ANO3: variants seen among roughly 807,000 people sequenced by gnomAD.
The protein encoded by ANO3 is anoctamin-3.
A neutral mutation model predicts 144.8 loss-of-function variants in ANO3; 99 were observed. The ratio of observed to expected loss-of-function variants is 0.68; its 90% confidence interval spans 0.58 to 0.81. The LOEUF (loss-of-function observed/expected upper bound fraction) is 0.81. Among genes scored for constraint, ANO3 ranks in the 30% least tolerant of loss-of-function variants. The pLI is 0.00. For synonymous variants in ANO3, 414 were observed against 392.6 expected (o/e 1.05, Z -0.64); for missense variants, 905 against 1,202.2 (o/e 0.75, Z 3.66).
intron 1 of ANO3, among the ~76,000 whole-genome samples, chr11:26,354,266 A>G (rs142178077): frequency 6.6e-6 from 1 of 152,324 alleles, no homozygotes; most frequent in African/African-American, 2.4e-5. Flanking sequence ...AAGATTAACA[A>G]TACTGTATTG....
intron 1 of ANO3, among the ~76,000 whole-genome samples, chr11:26,285,307 C>A (rs1339894555): frequency 2.0e-5 from 3 of 152,048 alleles, no homozygotes; most frequent in Non-Finnish European, 4.4e-5. Flanking sequence ...CTAAATTAAA[C>A]TGTGATGGAA....
chr11:26,363,829 C>CAAAAAA (rs11424661), intron 1 of ANO3, among the ~76,000 whole-genome samples: 1 of 147,768 alleles, frequency 6.8e-6, no homozygotes. Flanking sequence ...ATACATACTG[C>CAAAAAA]AAAAAAAAAA....
chr11:26,521,485 T>A (rs1476127488), intron 6 of ANO3, among the ~76,000 whole-genome samples: 1 of 152,176 alleles, frequency 6.6e-6, no homozygotes, highest in East Asian at 1.9e-4. Flanking sequence ...GATGTATGTG[T>A]AAAATTTTAA....
chr11:26,561,693 TA>T (rs1038025206), intron 14 of ANO3, among the ~76,000 whole-genome samples: 4 of 151,958 alleles, frequency 2.6e-5, no homozygotes, highest in Non-Finnish European at 5.9e-5. Flanking sequence ...GTGGAGGAGA[TA>T]AAAAAAGTAT....
intron 14 of ANO3, among the ~76,000 whole-genome samples, chr11:26,586,501 A>ATTTTTTTTTTT (rs1281089936): frequency 2.5e-5 from 1 of 40,018 alleles, no homozygotes; most frequent in African/African-American, 8.9e-5. Flanking sequence ...CCTGGTGAGA[A>ATTTTTTTTTTT]TCTTTTTTTT....
intron 1 of ANO3, among the ~76,000 whole-genome samples, chr11:26,249,820 A>G (rs999293413): frequency 2.0e-5 from 3 of 152,112 alleles, no homozygotes; most frequent in African/African-American, 7.2e-5. Flanking sequence ...AGAATAAAAA[A>G]CGCTTCAGTA....
At chr11:26,470,447 A>C (rs1859740886) in intron 4 of ANO3, among the ~76,000 whole-genome samples, 1 of 151,366 alleles carries the variant, frequency 6.6e-6, no homozygotes, top group African/African-American at 2.4e-5. Context: ...AAAAGCAAGA[A>C]GTTAGCCCAA....
rs11029603 is a variant in ANO3, at chr11:26,548,152, A to T, written c.1289+602A>T. ...ATTATTACTCTCTGGAGGAACAAAT[A>T]TTTATAAATTTTACTTAGCATCCAC... On this transcript the variant is annotated intron_variant, in intron 12 of 26. Coordinates refer to ENST00000256737, the MANE Select transcript of ANO3 (RefSeq NM_031418.4). Among the ~76,000 whole-genome samples the T allele has an allele frequency of 1.7e-3, 251 of 149,624 alleles. 11 individuals are homozygous for T. In the East Asian group the frequency reaches 0.042, roughly 25 times the overall value.
At chr11:26,493,449 A>G (rs951675953) in intron 4 of ANO3, among the ~76,000 whole-genome samples, 1 of 152,216 alleles carries the variant, frequency 6.6e-6, no homozygotes, top group Non-Finnish European at 1.5e-5. Context: ...AACCCTTCAC[A>G]GAATTACGGC....
chr11:26,297,315 C>G (rs1387522860), intron 1 of ANO3, among the ~76,000 whole-genome samples: 1 of 115,462 alleles, frequency 8.7e-6, no homozygotes, highest in Non-Finnish European at 1.7e-5. Flanking sequence ...TATTAGTGAG[C>G]ATTTCTGTCA....
chr11:26,404,143 A>G (rs2133977696), intron 1 of ANO3, among the ~76,000 whole-genome samples: 1 of 151,908 alleles, frequency 6.6e-6, no homozygotes, highest in South Asian at 2.1e-4. Flanking sequence ...CATCCTCTTG[A>G]TACGATAGGA....
intron 4 of ANO3, among the ~76,000 whole-genome samples, chr11:26,487,197 A>T (rs1272761931): frequency 6.6e-6 from 1 of 152,180 alleles, no homozygotes; most frequent in African/African-American, 2.4e-5. Flanking sequence ...AGGGGAGGTA[A>T]TTGAATCATG....
intron 1 of ANO3, among the ~76,000 whole-genome samples, chr11:26,291,476 G>C (rs1243898035): frequency 6.6e-6 from 1 of 152,112 alleles, no homozygotes; most frequent in Non-Finnish European, 1.5e-5. Context: ...TATTTTGTTT[G>C]TTAGTTGATG....
intron 6 of ANO3, among the ~76,000 whole-genome samples, chr11:26,522,274 T>A (rs1478091193): frequency 6.6e-6 from 1 of 152,160 alleles, no homozygotes; most frequent in Non-Finnish European, 1.5e-5. Flanking sequence ...TTAGATCACT[T>A]TTTATGCAAA....
chr11:26,443,623 C>T (rs540722866), intron 2 of ANO3, 142 bp from the exon 3 acceptor site: 1 of 504,746 alleles, frequency 2.0e-6, no homozygotes, highest in South Asian at 3.6e-5. Context: ...AAAACAGTGA[C>T]ATTTTAAATA....
intron 17 of ANO3, among the ~76,000 whole-genome samples, chr11:26,615,422 T>A (rs946693379): frequency 3.0e-4 from 39 of 131,294 alleles, no homozygotes; most frequent in Non-Finnish European, 5.0e-4. Flanking sequence ...ATATTTTTTT[T>A]TTTTCAGTTC....
At chr11:26,631,506 C>T (rs1852779176) in intron 18 of ANO3, among the ~76,000 whole-genome samples, 1 of 152,056 alleles carries the variant, frequency 6.6e-6, no homozygotes, top group South Asian at 2.1e-4. Flanking sequence ...CCAGACCTAC[C>T]TATCTATCCA....
Position 26,582,816 on chromosome 11 carries a change from G to A in ANO3, c.1448-15549G>A, listed in dbSNP as rs111918653. Among the ~76,000 whole-genome samples, 1,376 of 152,200 alleles carry A rather than the reference G, an allele frequency of 9.0e-3. 11 individuals are homozygous for A. Among genetic ancestry groups the A allele is most frequent in the African/African-American group, 0.031 (1,302 of 41,536 alleles). On this transcript the variant is annotated intron_variant, in intron 14 of 26. Coordinates refer to ENST00000256737, the MANE Select transcript of ANO3 (RefSeq NM_031418.4). ...TAGATTTCAGAAGTAAATAAGACAAGGTGCTTACTCCTGTTATTTTTGTTG... is the reference window on the plus strand; with the variant it reads ...TAGATTTCAGAAGTAAATAAGACAAAGTGCTTACTCCTGTTATTTTTGTTG...
At chr11:26,559,858 AC>A in intron 14 of ANO3, 79 bp downstream of exon 14, 1 of 908,304 alleles carries the variant, frequency 1.1e-6, no homozygotes, top group Non-Finnish European at 1.8e-6. Flanking sequence ...ACACACACAC[AC>A]ACACACACAC....
Sources: allele counts gnomAD v4.1 joint callset (sites outside exome capture counted in the v4.1 genomes callset), GRCh38; gene constraint gnomAD v4.1.1; transcripts MANE v1.5; gene names NCBI Gene and HGNC (gene_info 2026-07-23, HGNC 2026-07-21).